Variants in CCDC174 observed in about 807,000 individuals in gnomAD.
CCDC174 encodes the protein coiled-coil domain-containing protein 174.
CCDC174 carries 37 observed loss-of-function variants against 57.1 expected under a neutral mutation model. The ratio of observed to expected loss-of-function variants is 0.65; its 90% confidence interval spans 0.50 to 0.85. CCDC174 has a LOEUF of 0.85. Among genes scored for constraint, CCDC174 ranks in the 40% least tolerant of loss-of-function variants. CCDC174 has a pLI of 0.00. For missense variants in CCDC174, 540 were observed against 574.3 expected (o/e 0.94, Z 0.61); for synonymous variants, 182 against 190.2 (o/e 0.96, Z 0.35).
At chr3:14,661,789 T>C in intron 5 of CCDC174, 82 bp downstream of exon 5, 2 of 1,271,930 alleles carry the variant, frequency 1.6e-6, no homozygotes, top group Non-Finnish European at 2.2e-6. Context: ...TGGGTTGTTA[T>C]CGAGCCATTT....
chr3:14,660,308 A>T (rs2031088086), intron 4 of CCDC174, among the ~76,000 whole-genome samples: 1 of 152,198 alleles, frequency 6.6e-6, no homozygotes, highest in Non-Finnish European at 1.5e-5. Flanking sequence ...GTTTGAGACC[A>T]GCCCAGCCAA....
In CCDC174 at chr3:14,666,938, C is replaced by T. The variant is rs767725627; in HGVS notation, c.715C>T (p.Arg239Trp). 1.4e-5 allele frequency: 22 copies of T among 1,574,442 alleles called. No homozygotes were observed. Among genetic ancestry groups the T allele is most frequent in the African/African-American group, 4.2e-5 (3 of 72,062 alleles). The change falls in exon 7 of 11, where the codon CGG (arginine) becomes TGG (tryptophan). Residue 239 changes from arginine to tryptophan, a missense_variant. Physicochemically the swap from Arg to Trp is moderately radical, Grantham distance 101. Coordinates refer to ENST00000383794, the MANE Select transcript of CCDC174 (RefSeq NM_016474.5). ...GGGGCCCGTACATTATGAAGACATT[C>T]GGGAAAATGGTATGACTATTTTCTT... ...PMGPVHYEDIRENEARQLGVG... is the reference protein window; with the variant it reads ...PMGPVHYEDIWENEARQLGVG...
intron 10 of CCDC174, among the ~76,000 whole-genome samples, chr3:14,670,564 C>T (rs1250271359): frequency 1.3e-5 from 2 of 152,142 alleles, no homozygotes; most frequent in African/African-American, 4.8e-5. Flanking sequence ...TGGACAGTTC[C>T]CTTTTGTGTC....
intron 4 of CCDC174, among the ~76,000 whole-genome samples, chr3:14,661,033 A>G (rs1425787063): frequency 2.0e-5 from 3 of 152,204 alleles, no homozygotes; most frequent in African/African-American, 7.2e-5. Flanking sequence ...CATTGGCTTG[A>G]CAAGAACTCA....
chr3:14,653,826 G>C (rs1217437806), intron 1 of CCDC174, among the ~76,000 whole-genome samples: 3 of 152,182 alleles, frequency 2.0e-5, no homozygotes, highest in Non-Finnish European at 4.4e-5. Context: ...GTCTTTAAAG[G>C]CTCTGCTCTA....
chr3:14,664,159 C>A (rs539428686), intron 5 of CCDC174, among the ~76,000 whole-genome samples: 86 of 152,082 alleles, frequency 5.7e-4, no homozygotes, highest in Non-Finnish European at 1.1e-3. Flanking sequence ...TCACAACTAA[C>A]AATTGAAATC....
chr3:14,655,113 C>A (rs1413646986), intron 2 of CCDC174, among the ~76,000 whole-genome samples: 1 of 152,092 alleles, frequency 6.6e-6, no homozygotes, highest in African/African-American at 2.4e-5. Context: ...CCCAGGAGTT[C>A]GAGACCCGCC....
At chr3:14,668,296 CAG>C in intron 9 of CCDC174, 115 bp downstream of exon 9, 3 of 1,043,138 alleles carry the variant, frequency 2.9e-6, no homozygotes, top group Admixed American at 2.5e-5. Context: ...TTTAAGCAAA[CAG>C]TATACCTTTG....
chr3:14,667,706 T>C (rs2031387509), intron 8 of CCDC174, among the ~76,000 whole-genome samples, 188 bp downstream of exon 8: 1 of 152,212 alleles, frequency 6.6e-6, no homozygotes, highest in Admixed American at 6.5e-5. Context: ...CTGTGTAACT[T>C]TGATGTTTTA....
rs1284538530 is a variant in CCDC174 at position 14,661,515 on chromosome 3, A to G, written c.308-15A>G. On this transcript the variant is annotated splice_polypyrimidine_tract_variant and intron_variant, in intron 4 of 10. Transcript: ENST00000383794. ...TTTCCTTTTTGATGTCTGAAAACTG[A>G]TTTTTATGTCCTAGATGAAGAAGTA... The G allele has an allele frequency of 5.7e-6, 9 of 1,579,898 alleles. No homozygotes were observed. The highest frequency in any genetic ancestry group is 6.9e-6 in the Non-Finnish European group (8 of 1,165,408).
intron 4 of CCDC174, among the ~76,000 whole-genome samples, chr3:14,660,717 T>TGAA (rs2031102503): frequency 6.6e-6 from 1 of 152,114 alleles, no homozygotes; most frequent in Admixed American, 6.5e-5. Context: ...CACCCTAAGG[T>TGAA]GGGGAAAACA....
intron 6 of CCDC174, among the ~76,000 whole-genome samples, chr3:14,665,831 T>G (rs2031315619): frequency 1.3e-5 from 2 of 149,964 alleles, no homozygotes; most frequent in Non-Finnish European, 3.0e-5. Context: ...GAGTTCGAGA[T>G]CATCCTGGCT....
At chr3:14,651,991 C>A in intron 1 of CCDC174, 113 bp downstream of exon 1, 1 of 1,041,172 alleles carries the variant, frequency 9.6e-7, no homozygotes, top group Non-Finnish European at 1.5e-6. Flanking sequence ...CCTGACCTCT[C>A]CCCTCAAACA....
chr3:14,672,017 C>A lies in CCDC174; in HGVS notation c.*823C>A, dbSNP rs1201644949. 1 of 151,664 alleles carries A rather than the reference C, an allele frequency of 6.6e-6. No homozygotes were observed. Among genetic ancestry groups the A allele is most frequent in the Non-Finnish European group, 1.5e-5 (1 of 67,890 alleles). The allele number at this position is 151,664 out of a possible 1,614,324, so 9.4% of individuals were successfully genotyped here. A position where few individuals can be genotyped will look rare whatever the true frequency, so the allele number is the denominator to read the frequency against. On this transcript the variant is annotated 3_prime_UTR_variant, in exon 11 of 11. Transcript: ENST00000383794. ...GCTGCACAGTGGAGCAGGTGGGTTCCCGTGTCATTAGTAATAAGGAGAGGG... is the reference window on the plus strand; with the variant it reads ...GCTGCACAGTGGAGCAGGTGGGTTCACGTGTCATTAGTAATAAGGAGAGGG...
intron 3 of CCDC174, among the ~76,000 whole-genome samples, chr3:14,658,497 A>G (rs1188713411): frequency 6.6e-6 from 1 of 152,214 alleles, no homozygotes; most frequent in Non-Finnish European, 1.5e-5. Context: ...GCTTTGTTGG[A>G]ATGTTGACAT....
chr3:14,669,548 A>C (rs1438716554), intron 9 of CCDC174, among the ~76,000 whole-genome samples: 1 of 152,116 alleles, frequency 6.6e-6, no homozygotes, highest in Non-Finnish European at 1.5e-5. Context: ...TGAGATTGTG[A>C]TGTTAGTTGA....
chr3:14,653,927 T>G (rs1309068884), intron 1 of CCDC174, among the ~76,000 whole-genome samples: 1 of 152,226 alleles, frequency 6.6e-6, no homozygotes, highest in Non-Finnish European at 1.5e-5. Flanking sequence ...TTTGTTTTAT[T>G]TTGTTGGTAG....
At chr3:14,659,380 C>T (rs2031056180) in intron 4 of CCDC174, among the ~76,000 whole-genome samples, 1 of 152,098 alleles carries the variant, frequency 6.6e-6, no homozygotes, top group Non-Finnish European at 1.5e-5. Flanking sequence ...TTTTTCTGTG[C>T]TGTGCTTATA....
Position 14,670,939 on chromosome 3 carries a change from G to A in CCDC174, c.1149G>A (p.Arg383=). 6.2e-7 allele frequency: 1 copy of A among 1,613,914 alleles called. No homozygotes were observed. The highest frequency in any genetic ancestry group is 8.5e-7 in the Non-Finnish European group (1 of 1,179,864). The change falls in exon 11 of 11, where the codon CGG becomes CGA. Residue 383 remains arginine (R), a synonymous_variant. Transcript: ENST00000383794. ...GYWSKRQSDL[R]AERDPEFAPP... ...GGTCGAAGAGGCAGTCAGATCTCCG[G>A]GCTGAGAGAGATCCTGAGTTTGCCC... is the stretch of plus-strand genomic sequence containing the variant.
Sources: gnomAD v4.1 joint callset for allele counts (sites outside exome capture counted in the v4.1 genomes callset) on GRCh38, gnomAD v4.1.1 for gene constraint, MANE v1.5 for transcripts, NCBI Gene and HGNC (gene_info 2026-07-23, HGNC 2026-07-21) for gene names.